The following ERC1 variants were observed in gnomAD, a reference collection of about 807,000 sequenced individuals.
ERC1 encodes the protein ELKS/RAB6-interacting/CAST family member 1, also known as RAB6 interacting protein 2.
Under a neutral mutation model 132.0 loss-of-function variants are expected in ERC1, and 56 were observed. The observed-to-expected ratio is 0.42, with a 90% CI of 0.34 to 0.53. The LOEUF is 0.53. ERC1 is among the 20% of genes least tolerant of loss of function. The probability of loss-of-function intolerance (pLI) is 0.03; values close to 1 mark genes in which losing one functional copy is unlikely to be tolerated. For missense variants in ERC1, 1,202 were observed against 1,349.9 expected, an observed-to-expected ratio of 0.89 and a Z score of 1.72; for synonymous variants, 478 against 476.1, an observed-to-expected ratio of 1.00 and a Z score of -0.05.
At chr12:1,256,344 A>G (rs7306915) in intron 13 of ERC1, among the ~76,000 whole-genome samples, 5 of 149,006 alleles carry the variant, frequency 3.4e-5, no homozygotes, top group South Asian at 2.1e-4. Context: ...ATGAAAATTC[A>G]TGAGGAAACA....
intron 12 of ERC1, among the ~76,000 whole-genome samples, chr12:1,207,609 A>G (rs1157251559): frequency 6.6e-6 from 1 of 152,192 alleles, no homozygotes; most frequent in African/African-American, 2.4e-5. Context: ...ACTCTTTTGA[A>G]TAACTCATTG....
At chr12:1,339,273 G>GC (rs536983083) in intron 15 of ERC1, among the ~76,000 whole-genome samples, 36 of 141,926 alleles carry the variant, frequency 2.5e-4, no homozygotes, top group African/African-American at 9.1e-4. Context: ...CAGGGTGCCT[G>GC]CCCCCATGTA....
At chr12:1,489,102 G>A (rs899314711) in intron 18 of ERC1, among the ~76,000 whole-genome samples, 1 of 152,196 alleles carries the variant, frequency 6.6e-6, no homozygotes, top group African/African-American at 2.4e-5. Context: ...CCTCGCGTGT[G>A]TTTTCAGCTC....
chr12:1,015,234 A>G (rs1053535186), intron 1 of ERC1, among the ~76,000 whole-genome samples: 1 of 150,822 alleles, frequency 6.6e-6, no homozygotes, highest in African/African-American at 2.4e-5. Context: ...TAAGTTTTGT[A>G]TTTTGGTAGA....
chr12:1,445,805 G>C (rs1000259376), intron 18 of ERC1, among the ~76,000 whole-genome samples: 1 of 152,212 alleles, frequency 6.6e-6, no homozygotes, highest in Admixed American at 6.5e-5. Context: ...TCCATGAAGC[G>C]GTAGCCACTG....
At position 1,196,949 on chromosome 12, in the gene ERC1, CACACACACACACATATAT is replaced by C. The variant is rs1376399572; in HGVS notation, c.2351+6899_2351+6916del. ...ACACACACACACACACACACACACA[CACACACACACACATATAT>C]ATATATATATTTTTTTTTTTTTTTT... On this transcript the variant is annotated intron_variant, in intron 12 of 18. Coordinates refer to ENST00000360905, the MANE Select transcript of ERC1 (RefSeq NM_178040.4). Among the ~76,000 whole-genome samples the C allele has an allele frequency of 6.2e-3, 232 of 37,470 alleles. 7 individuals carry two copies. The highest frequency in any genetic ancestry group is 0.015 in the South Asian group (22 of 1,478). 24.6% of individuals were successfully genotyped at this position (37,470 alleles called of 152,430 possible).
chr12:1,318,770 A>C (rs1014311518), intron 15 of ERC1, among the ~76,000 whole-genome samples: 2 of 151,998 alleles, frequency 1.3e-5, no homozygotes, highest in Non-Finnish European at 2.9e-5. Context: ...CAGAGTTGCA[A>C]GTGAAGCTTT....
intron 15 of ERC1, among the ~76,000 whole-genome samples, chr12:1,359,637 C>G (rs1591523641): frequency 6.6e-6 from 1 of 152,270 alleles, no homozygotes; most frequent in East Asian, 1.9e-4. Flanking sequence ...GAAGACACAG[C>G]GGTCATGGCC....
chr12:1,007,198 G>T (rs1003911769), intron 1 of ERC1, among the ~76,000 whole-genome samples: 1 of 152,120 alleles, frequency 6.6e-6, no homozygotes, highest in African/African-American at 2.4e-5. Context: ...TTGAAATTGG[G>T]TTTGGATCAT....
At chr12:1,341,411 C>G (rs1378066012) in intron 15 of ERC1, among the ~76,000 whole-genome samples, 1 of 151,970 alleles carries the variant, frequency 6.6e-6, no homozygotes, top group Non-Finnish European at 1.5e-5. Context: ...TGGAACCAAC[C>G]CAAATGTCCA....
chr12:1,471,529 A>G (rs1382570885), intron 18 of ERC1, among the ~76,000 whole-genome samples: 1 of 152,244 alleles, frequency 6.6e-6, no homozygotes, highest in Non-Finnish European at 1.5e-5. Context: ...TTAAAACTGA[A>G]GTGTTGTATC....
intron 18 of ERC1, among the ~76,000 whole-genome samples, chr12:1,485,126 T>C (rs1183285379): frequency 1.3e-5 from 2 of 151,302 alleles, no homozygotes; most frequent in African/African-American, 4.9e-5. Flanking sequence ...TAGGCTCAAG[T>C]GATCTGCCTG....
At chr12:1,464,841 GT>G (rs2093713178) in intron 18 of ERC1, among the ~76,000 whole-genome samples, 1 of 151,716 alleles carries the variant, frequency 6.6e-6, no homozygotes, top group Non-Finnish European at 1.5e-5. Flanking sequence ...TTTTAATCTA[GT>G]TTTTATTAGC....
intron 15 of ERC1, among the ~76,000 whole-genome samples, chr12:1,295,682 A>G (rs2079865283): frequency 6.6e-6 from 1 of 152,146 alleles, no homozygotes; most frequent in Non-Finnish European, 1.5e-5. Flanking sequence ...GAAGGCCCCA[A>G]TTAATTCTTA....
chr12:1,144,976 G>A lies in ERC1; in HGVS notation c.1737+3189G>A, dbSNP rs146428273. 4.2e-3 allele frequency among the ~76,000 whole-genome samples: 639 copies of A among 151,072 alleles called. 3 individuals are homozygous for A. The highest frequency in any genetic ancestry group is 7.2e-3 in the Non-Finnish European group (486 of 67,850). On this transcript the variant is annotated intron_variant, in intron 8 of 18. Transcript: ENST00000360905. ...TATTTTTTTATTTTTAAATTATATC[G>A]CATTGTGGTTTTGATTTGCATTTCA...
chr12:1,388,201 T>C (rs2089583129), intron 16 of ERC1, among the ~76,000 whole-genome samples: 1 of 151,580 alleles, frequency 6.6e-6, no homozygotes, highest in Non-Finnish European at 1.5e-5. Flanking sequence ...TACAAAAAAT[T>C]AGCCAGGCGT....
chr12:1,302,035 C>G (rs1273964763), intron 15 of ERC1, among the ~76,000 whole-genome samples: 2 of 152,046 alleles, frequency 1.3e-5, no homozygotes, highest in Non-Finnish European at 2.9e-5. Flanking sequence ...CTAAACTTGA[C>G]AAAGACATTG....
chr12:1,144,843 A>G (rs1466311442), intron 8 of ERC1, among the ~76,000 whole-genome samples: 1 of 151,922 alleles, frequency 6.6e-6, no homozygotes, highest in Non-Finnish European at 1.5e-5. Context: ...TGGTAGGTCC[A>G]CTTTTAGTTA....
At chr12:1,062,157 A>G (rs1593035574) in intron 2 of ERC1, among the ~76,000 whole-genome samples, 1 of 150,852 alleles carries the variant, frequency 6.6e-6, no homozygotes, top group Non-Finnish European at 1.5e-5. Context: ...CTAATTTTTT[A>G]TATTTTTAGT....
Sources: gnomAD v4.1 joint callset for allele counts (sites outside exome capture counted in the v4.1 genomes callset) on GRCh38, gnomAD v4.1.1 for gene constraint, MANE v1.5 for transcripts, NCBI Gene and HGNC (gene_info 2026-07-23, HGNC 2026-07-21) for gene names.